CHSY3: variants seen among roughly 807,000 people sequenced by gnomAD.
CHSY3 encodes the protein N-acetylgalactosaminyl-proteoglycan 3-beta-glucuronosyltransferase 3.
In CHSY3, 35 loss-of-function variants were observed where a neutral mutation model predicts 67.2. The ratio of observed to expected loss-of-function variants is 0.52; its 90% confidence interval spans 0.40 to 0.69. CHSY3 has a LOEUF of 0.69. CHSY3 is among the 30% of genes least tolerant of loss of function. The pLI, the probability that CHSY3 is intolerant of heterozygous loss-of-function variation, is 0.00. For synonymous variants in CHSY3, 474 were observed against 434.7 expected, an observed-to-expected ratio of 1.09 and a Z score of -1.12; for missense variants, 1,069 against 1,138.5, an observed-to-expected ratio of 0.94 and a Z score of 0.88.
chr5:130,004,074 G>C (rs1763807184), intron 2 of CHSY3, among the ~76,000 whole-genome samples: 1 of 152,130 alleles, frequency 6.6e-6, no homozygotes, highest in Admixed American at 6.5e-5. Context: ...TGATAAATTA[G>C]ATATATTTCA....
chr5:130,016,535 C>T (rs1764225073), intron 2 of CHSY3, among the ~76,000 whole-genome samples: 2 of 152,166 alleles, frequency 1.3e-5, no homozygotes, highest in Non-Finnish European at 2.9e-5. Flanking sequence ...CCTCAGCCTC[C>T]CAAGTAGCTG....
chr5:129,979,199 CAAAAAAAAAA>C (rs58584381), intron 2 of CHSY3, among the ~76,000 whole-genome samples: 33 of 62,544 alleles, frequency 5.3e-4, no homozygotes, highest in Non-Finnish European at 7.4e-4. Context: ...GACTCCGTCT[CAAAAAAAAAA>C]AAAAAAAAAA....
chr5:129,999,390 A>T (rs1316971288), intron 2 of CHSY3, among the ~76,000 whole-genome samples: 2 of 151,986 alleles, frequency 1.3e-5, no homozygotes, highest in Non-Finnish European at 2.9e-5. Context: ...ATATCTAAAA[A>T]CTTTCCATCA....
intron 2 of CHSY3, among the ~76,000 whole-genome samples, chr5:130,137,600 CTCATT>C (rs1364469798): frequency 6.6e-6 from 1 of 152,136 alleles, no homozygotes; most frequent in African/African-American, 2.4e-5. Context: ...AACATATACT[CTCATT>C]TATTTATTAA....
At chr5:130,167,899 C>T (rs1769793487) in intron 2 of CHSY3, among the ~76,000 whole-genome samples, 1 of 152,022 alleles carries the variant, frequency 6.6e-6, no homozygotes, top group Non-Finnish European at 1.5e-5. Flanking sequence ...TCTAGGAGCT[C>T]TCCTTTTCCT....
chr5:130,081,192 A>T (rs1230879995), intron 2 of CHSY3, among the ~76,000 whole-genome samples: 1 of 152,058 alleles, frequency 6.6e-6, no homozygotes, highest in Non-Finnish European at 1.5e-5. Flanking sequence ...CTCAGGGAGG[A>T]TTCCAGAGGT....
chr5:130,049,324 G>T (rs750167804), intron 2 of CHSY3, among the ~76,000 whole-genome samples: 1 of 152,022 alleles, frequency 6.6e-6, no homozygotes, highest in Non-Finnish European at 1.5e-5. Flanking sequence ...TTGACAAAAA[G>T]AAGAGCTTCT....
intron 2 of CHSY3, among the ~76,000 whole-genome samples, chr5:130,048,101 G>A (rs964296133): frequency 2.0e-5 from 3 of 147,284 alleles, no homozygotes; most frequent in African/African-American, 5.4e-5. Flanking sequence ...AACGAAGTAC[G>A]GATTTAGTGT....
At chr5:130,074,879 C>T (rs995469635) in intron 2 of CHSY3, among the ~76,000 whole-genome samples, 2 of 145,996 alleles carry the variant, frequency 1.4e-5, no homozygotes, top group African/African-American at 5.2e-5. Context: ...TAAACAAATA[C>T]ATTAATGATA....
At chr5:130,056,348 T>C (rs1765531742) in intron 2 of CHSY3, among the ~76,000 whole-genome samples, 1 of 152,202 alleles carries the variant, frequency 6.6e-6, no homozygotes, top group Non-Finnish European at 1.5e-5. Flanking sequence ...GTTGTTAAAA[T>C]GTTAACATTC....
chr5:130,123,730 A>G (rs747769389), intron 2 of CHSY3, among the ~76,000 whole-genome samples: 3 of 152,162 alleles, frequency 2.0e-5, no homozygotes, highest in African/African-American at 4.8e-5. Flanking sequence ...AAAAGAAAAA[A>G]GAGACAGAGA....
intron 2 of CHSY3, among the ~76,000 whole-genome samples, chr5:129,911,379 T>C (rs1405280413): frequency 6.6e-6 from 1 of 152,128 alleles, no homozygotes; most frequent in Non-Finnish European, 1.5e-5. Flanking sequence ...CACTTACTAG[T>C]TTAATTGTCT....
At chr5:130,144,712 A>C (rs2149721543) in intron 2 of CHSY3, among the ~76,000 whole-genome samples, 1 of 152,318 alleles carries the variant, frequency 6.6e-6, no homozygotes, top group African/African-American at 2.4e-5. Flanking sequence ...ATCGTGAGAA[A>C]AAAAGAACAA....
intron 2 of CHSY3, among the ~76,000 whole-genome samples, chr5:129,947,277 C>T (rs1054551037): frequency 2.0e-4 from 30 of 151,914 alleles, no homozygotes; most frequent in Admixed American, 9.2e-4. Context: ...GATTAAATTA[C>T]CTCCCACCCT....
chr5:129,923,858 C>A (rs1761005638), intron 2 of CHSY3, among the ~76,000 whole-genome samples: 1 of 152,196 alleles, frequency 6.6e-6, no homozygotes, highest in Non-Finnish European at 1.5e-5. Flanking sequence ...AAGTAAGGAT[C>A]ATCTAGCTGA....
chr5:129,944,876 C>G (rs1418299562), intron 2 of CHSY3, among the ~76,000 whole-genome samples: 4 of 152,066 alleles, frequency 2.6e-5, no homozygotes, highest in African/African-American at 9.7e-5. Context: ...CTGTATATTT[C>G]ACAACGTATG....
In CHSY3 at chr5:130,185,514, T is replaced by C; in HGVS notation, c.2372T>C (p.Leu791Pro). ...ACCTGTATTTACAAAAGTGATCTTC[T>C]AGGTGCAGGTGGATTTGATACCTCA... ...GITCIYKSDL[L>P]GAGGFDTSIQ... The change falls in exon 3 of 3, where the codon CTA becomes CCA. Residue 791 changes from leucine to proline, a missense_variant. Transcript: ENST00000305031. 6.2e-7 allele frequency: 1 copy of C among 1,614,186 alleles called. No individual in the cohort carries two copies. The highest frequency in any genetic ancestry group is 8.5e-7 in the Non-Finnish European group (1 of 1,180,002).
chr5:129,921,025 A>T (rs1324288404), intron 2 of CHSY3, among the ~76,000 whole-genome samples: 6 of 152,128 alleles, frequency 3.9e-5, no homozygotes, highest in Non-Finnish European at 8.8e-5. Context: ...TTGCCACGTT[A>T]TCCAGGCTGA....
chr5:129,991,519 C>T (rs1763366115), intron 2 of CHSY3, among the ~76,000 whole-genome samples: 1 of 151,994 alleles, frequency 6.6e-6, no homozygotes, highest in Non-Finnish European at 1.5e-5. Context: ...GAGTTTGTTC[C>T]TTGATGAGTA....
Sources: allele counts gnomAD v4.1 joint callset (sites outside exome capture counted in the v4.1 genomes callset), GRCh38; gene constraint gnomAD v4.1.1; transcripts MANE v1.5; gene names NCBI Gene and HGNC (gene_info 2026-07-23, HGNC 2026-07-21).